Variants in SPIDR observed in about 807,000 individuals in gnomAD.
SPIDR encodes DNA repair-scaffolding protein.
Under a neutral mutation model 104.6 loss-of-function variants are expected in SPIDR, and 93 were observed. That is an observed-to-expected ratio of 0.89 (90% CI 0.75 to 1.06). SPIDR has a LOEUF of 1.06. Among genes scored for constraint, SPIDR ranks in the 50% least tolerant of loss-of-function variants. The probability of loss-of-function intolerance (pLI) is 0.00; values close to 1 mark genes in which losing one functional copy is unlikely to be tolerated. For synonymous variants in SPIDR, 431 were observed against 416.9 expected, an observed-to-expected ratio of 1.03 and a Z score of -0.41; for missense variants, 1,154 against 1,111.2, an observed-to-expected ratio of 1.04 and a Z score of -0.55.
intron 5 of SPIDR, among the ~76,000 whole-genome samples, chr8:47,317,910 C>A (rs931888369): frequency 2.6e-5 from 4 of 152,120 alleles, no homozygotes; most frequent in Middle Eastern, 3.2e-3. Context: ...GGAAAACTAA[C>A]AGAAAGGATA....
At chr8:47,488,551 A>C (rs1242630282) in intron 8 of SPIDR, among the ~76,000 whole-genome samples, 1 of 152,360 alleles carries the variant, frequency 6.6e-6, no homozygotes, top group Non-Finnish European at 1.5e-5. Context: ...CACACAAAAA[A>C]AGACAATTTT....
At chr8:47,625,364 A>G (rs1302593405) in intron 10 of SPIDR, among the ~76,000 whole-genome samples, 1 of 152,174 alleles carries the variant, frequency 6.6e-6, no homozygotes, top group Non-Finnish European at 1.5e-5. Flanking sequence ...CCTATTCAAC[A>G]TAGTGTTGGA....
At chr8:47,697,490 T>TATAATAAAAAAAAAAA (rs1476339970) in intron 11 of SPIDR, among the ~76,000 whole-genome samples, 1 of 152,182 alleles carries the variant, frequency 6.6e-6, no homozygotes, top group African/African-American at 2.4e-5. Context: ...AATAAAAACA[T>TATAATAAAAAAAAAAA]AGCACTGAAA....
At chr8:47,290,875 G>A (rs1476412698) in intron 3 of SPIDR, among the ~76,000 whole-genome samples, 158 bp from the exon 4 acceptor site, 11 of 152,162 alleles carry the variant, frequency 7.2e-5, no homozygotes, top group Admixed American at 1.3e-4. Flanking sequence ...GAGATTGTAC[G>A]TAGAACTTTA....
intron 8 of SPIDR, among the ~76,000 whole-genome samples, chr8:47,504,652 G>A (rs543207894): frequency 3.9e-5 from 6 of 152,222 alleles, no homozygotes; most frequent in East Asian, 1.9e-4. Context: ...GTCATTCTCC[G>A]TCCAGCTTTG....
chr8:47,654,046 A>G (rs1038590892), intron 10 of SPIDR: 4 of 1,289,450 alleles, frequency 3.1e-6, no homozygotes, highest in Admixed American at 4.6e-5. Flanking sequence ...GAGCCAAGAC[A>G]GATAGGGGCG....
chr8:47,608,371 T>C (rs2063220997), intron 10 of SPIDR, among the ~76,000 whole-genome samples: 1 of 152,248 alleles, frequency 6.6e-6, no homozygotes, highest in South Asian at 2.1e-4. Flanking sequence ...TTGTTTCCAC[T>C]TTATGATTAA....
chr8:47,518,486 A>G (rs919377791), intron 8 of SPIDR, among the ~76,000 whole-genome samples: 3 of 152,144 alleles, frequency 2.0e-5, no homozygotes, highest in Non-Finnish European at 4.4e-5. Context: ...TGACCAAGAA[A>G]TGTTATGGTG....
chr8:47,275,960 A>G (rs1013121976), intron 1 of SPIDR, among the ~76,000 whole-genome samples: 3 of 152,160 alleles, frequency 2.0e-5, no homozygotes, highest in African/African-American at 7.2e-5. Context: ...GTGCTCAAGC[A>G]ATCCTCTTGC....
chr8:47,646,764 G>A (rs1175581268), intron 10 of SPIDR, among the ~76,000 whole-genome samples: 1 of 152,126 alleles, frequency 6.6e-6, no homozygotes, highest in African/African-American at 2.4e-5. Context: ...GGAACTAGAG[G>A]ATGGAGGACG....
chr8:47,496,718 C>CTT lies in SPIDR; in HGVS notation c.1097+56193_1097+56194dup, dbSNP rs71225690. 6.5e-3 allele frequency among the ~76,000 whole-genome samples: 716 copies of CTT among 110,604 alleles called. 16 individuals are homozygous for CTT. Among genetic ancestry groups the CTT allele is most frequent in the East Asian group, 0.063 (228 of 3,618 alleles). The allele number at this position is 110,604 out of a possible 152,430, so 72.6% of individuals were successfully genotyped here. A position where few individuals can be genotyped will look rare whatever the true frequency, so the allele number is the denominator to read the frequency against. On this transcript the variant is annotated intron_variant, in intron 8 of 19. Transcript: ENST00000297423. ...GACCTCATAGAATGAATTCCCTACT[C>CTT]TTTTTTTTTTTTTTTTTTGAGTTTG...
chr8:47,343,564 G>A lies in SPIDR; in HGVS notation c.525+49534G>A, dbSNP rs568340172. Among the ~76,000 whole-genome samples, 5 of 152,204 alleles carry A rather than the reference G, an allele frequency of 3.3e-5. 1 individual carries two copies. In the South Asian group the frequency reaches 1.0e-3, roughly 31 times the overall value. On this transcript the variant is annotated intron_variant, in intron 5 of 19. Transcript: ENST00000297423. ...TCTTGTGCGCCAGTCTCTCAAAGCT[G>A]AGGAAAGCTGCCTGGGGTGGATGGA...
chr8:47,492,265 G>A (rs1284904568), intron 8 of SPIDR, among the ~76,000 whole-genome samples: 2 of 152,104 alleles, frequency 1.3e-5, no homozygotes, highest in Non-Finnish European at 2.9e-5. Flanking sequence ...CACAGACGTG[G>A]CCTGGACTGC....
intron 1 of SPIDR, 119 bp downstream of exon 1, chr8:47,261,110 G>C (rs2032060779): frequency 8.9e-7 from 1 of 1,117,746 alleles, no homozygotes. Context: ...TGGGGGTGAA[G>C]GGCTAGGTGG....
In SPIDR at chr8:47,338,555, G is replaced by A. The variant is rs550030076; in HGVS notation, c.525+44525G>A. Among the ~76,000 whole-genome samples the A allele has an allele frequency of 3.0e-4, 45 of 152,276 alleles. No individual in the cohort carries two copies. The South Asian group carries it at 3.1e-3, about 11-fold the overall frequency. ...TAGTGTTGTTGCCTTTTTCTTGGGT[G>A]AAAGTTAGGAAATCAGCCAGGAAAA... On this transcript the variant is annotated intron_variant, in intron 5 of 19. Transcript: ENST00000297423.
At chr8:47,500,554 G>C (rs1361615590) in intron 8 of SPIDR, among the ~76,000 whole-genome samples, 3 of 152,188 alleles carry the variant, frequency 2.0e-5, no homozygotes, top group African/African-American at 4.8e-5. Context: ...CCCTTTGTCA[G>C]ATGGGTAGAT....
chr8:47,292,474 A>G (rs2040085872), intron 4 of SPIDR, among the ~76,000 whole-genome samples: 2 of 152,200 alleles, frequency 1.3e-5, no homozygotes, highest in African/African-American at 4.8e-5. Context: ...TACAAAGTTT[A>G]TAAAAATGGG....
At chr8:47,431,449 C>T (rs1049783733) in intron 7 of SPIDR, among the ~76,000 whole-genome samples, 5 of 152,178 alleles carry the variant, frequency 3.3e-5, no homozygotes, top group Non-Finnish European at 5.9e-5. Context: ...GCTTTATTCT[C>T]ACGTGGAATT....
chr8:47,353,793 C>T (rs971677664), intron 5 of SPIDR, among the ~76,000 whole-genome samples: 14 of 150,968 alleles, frequency 9.3e-5, no homozygotes, highest in Non-Finnish European at 1.6e-4. Flanking sequence ...CATTCAGTGA[C>T]GAAGATTGCT....
Sources: gnomAD v4.1 joint callset for allele counts (sites outside exome capture counted in the v4.1 genomes callset) on GRCh38, gnomAD v4.1.1 for gene constraint, MANE v1.5 for transcripts, NCBI Gene and HGNC (gene_info 2026-07-23, HGNC 2026-07-21) for gene names.